DLGAP4: variants seen among roughly 807,000 people sequenced by gnomAD.
DLGAP4 encodes the protein disks large-associated protein 4.
DLGAP4 carries 18 observed loss-of-function variants against 86.9 expected under a neutral mutation model. The ratio of observed to expected loss-of-function variants is 0.21; its 90% confidence interval spans 0.14 to 0.31. The LOEUF is 0.31. DLGAP4 is among the 10% of genes least tolerant of loss of function. The pLI is 1.00. For missense variants in DLGAP4, 1,085 were observed against 1,362.6 expected, an observed-to-expected ratio of 0.80 and a Z score of 3.21; for synonymous variants, 548 against 574.3, an observed-to-expected ratio of 0.95 and a Z score of 0.65.
chr20:36,318,102 C>CCT (rs1555890204), intron 1 of DLGAP4, among the ~76,000 whole-genome samples: 39 of 117,228 alleles, frequency 3.3e-4, no homozygotes, highest in African/African-American at 7.7e-4. Context: ...ATAAATGTGT[C>CCT]CTCTCACACA....
intron 10 of DLGAP4, among the ~76,000 whole-genome samples, chr20:36,515,151 T>C (rs982262272): frequency 1.1e-4 from 16 of 152,238 alleles, no homozygotes; most frequent in Admixed American, 4.6e-4. Context: ...TGCATGTCTG[T>C]ATCACACCAC....
chr20:36,348,630 G>T (rs2030025220), intron 1 of DLGAP4, among the ~76,000 whole-genome samples: 1 of 152,004 alleles, frequency 6.6e-6, no homozygotes, highest in East Asian at 1.9e-4. Flanking sequence ...TGTTGGCTAG[G>T]CTTGTCTTGA....
At chr20:36,345,954 G>T (rs1213331054) in intron 1 of DLGAP4, among the ~76,000 whole-genome samples, 1 of 152,024 alleles carries the variant, frequency 6.6e-6, no homozygotes, top group Non-Finnish European at 1.5e-5. Context: ...ACAGGGTCTT[G>T]CTATGTTGCC....
intron 2 of DLGAP4, among the ~76,000 whole-genome samples, chr20:36,391,667 G>C (rs115405445): frequency 0.012 from 1,874 of 152,288 alleles, 51 homozygotes; most frequent in African/African-American, 0.043. Context: ...ACCCAGCTCT[G>C]AGCTCCAGTC....
Position 36,461,477 on chromosome 20 carries a change from C to T in DLGAP4, c.1648+14540C>T, listed in dbSNP as rs1306862163. 73 of 981,878 alleles carry T rather than the reference C, an allele frequency of 7.4e-5. No homozygotes were observed. In the African/African-American group the frequency reaches 1.2e-3, roughly 16 times the overall value. 60.8% of individuals were successfully genotyped at this position (981,878 alleles called of 1,614,324 possible). A position where few individuals can be genotyped will look rare whatever the true frequency, so the allele number is the denominator to read the frequency against. ...GCCCCGCCCCTCGGGCGTACAAAACCGGAGCCTCGGGCCGGGCTGCGTGAG... is the reference window on the plus strand; with the variant it reads ...GCCCCGCCCCTCGGGCGTACAAAACTGGAGCCTCGGGCCGGGCTGCGTGAG... On this transcript the variant is annotated intron_variant, in intron 7 of 12. Coordinates refer to ENST00000339266, the MANE Select transcript of DLGAP4 (RefSeq NM_001365621.2).
At chr20:36,516,603 T>C (rs945647261) in intron 10 of DLGAP4, among the ~76,000 whole-genome samples, 1 of 150,552 alleles carries the variant, frequency 6.6e-6, no homozygotes, top group East Asian at 2.0e-4. Context: ...GAGGCAGAGG[T>C]TGCAGTGAGC....
chr20:36,368,842 T>A (rs1432547936), intron 2 of DLGAP4, among the ~76,000 whole-genome samples: 1 of 152,222 alleles, frequency 6.6e-6, no homozygotes, highest in Non-Finnish European at 1.5e-5. Flanking sequence ...TTCAATTAAA[T>A]TCCCCCATAA....
rs73293668 is a variant in DLGAP4, at chr20:36,330,942, T to C, written c.-304+24430T>C. 7.1e-3 allele frequency among the ~76,000 whole-genome samples: 1,075 copies of C among 152,282 alleles called. 5 individuals carry two copies. The highest frequency in any genetic ancestry group is 0.024 in the African/African-American group (999 of 41,534). On this transcript the variant is annotated intron_variant, in intron 1 of 12. Transcript: ENST00000339266. ...GACCGTAAATGTTAGCTATTGTCAC[T>C]GTTGTTGTTGTTATTATTATTATTA...
chr20:36,325,967 C>T (rs782381397), intron 1 of DLGAP4, among the ~76,000 whole-genome samples: 1 of 152,144 alleles, frequency 6.6e-6, no homozygotes, highest in Admixed American at 6.5e-5. Flanking sequence ...ATCCTCCCAG[C>T]TCGGCCTCCC....
chr20:36,520,481 C>T lies in DLGAP4; in HGVS notation c.2513-3769C>T, dbSNP rs942050407. On this transcript the variant is annotated intron_variant, in intron 10 of 12. Transcript: ENST00000339266. Reference sequence around the variant, plus strand: ...CTGCCTCAGCACCCCCGAGTAGCTGCGATTAATAGGCATGCGTCACCAGCC... The same window carrying T: ...CTGCCTCAGCACCCCCGAGTAGCTGTGATTAATAGGCATGCGTCACCAGCC... Among the ~76,000 whole-genome samples the T allele has an allele frequency of 8.6e-5, 13 of 151,892 alleles. 1 individual carries two copies. Among genetic ancestry groups the T allele is most frequent in the Admixed American group, 5.3e-4 (8 of 15,238 alleles).
chr20:36,393,828 C>T lies in DLGAP4; in HGVS notation c.-73+26553C>T, dbSNP rs1156298662. Among the ~76,000 whole-genome samples, 1 of 152,114 alleles carries T rather than the reference C, an allele frequency of 6.6e-6. No homozygotes were observed. The highest frequency in any genetic ancestry group is 1.5e-5 in the Non-Finnish European group (1 of 68,004). Reference sequence around the variant, plus strand: ...GAGGGAGGTGACCTGCCCAAAGTCACACAGGGAGTGTGTGCGTTCCAACCC... The same window carrying T: ...GAGGGAGGTGACCTGCCCAAAGTCATACAGGGAGTGTGTGCGTTCCAACCC... On this transcript the variant is annotated intron_variant, in intron 2 of 12. Transcript: ENST00000339266. This position sits in a 1 kb window ranked among gnomAD's most constrained non-coding sequence, Gnocchi z 4.4.
intron 7 of DLGAP4, among the ~76,000 whole-genome samples, chr20:36,493,631 G>A (rs1309414373): frequency 1.3e-5 from 2 of 152,230 alleles, no homozygotes; most frequent in African/African-American, 4.8e-5. Flanking sequence ...GGGATGTGGT[G>A]ATGAGTGAAG....
At position 36,525,967 on chromosome 20, in the gene DLGAP4, C is replaced by T. The variant is rs2037731502; in HGVS notation, c.2721C>T (p.Ala907=). The change falls in exon 12 of 13, where the codon GCC becomes GCT. Residue 907 remains alanine (A), a synonymous_variant. Transcript: ENST00000339266. The stretch of plus-strand genomic sequence containing the variant: ...TCGATGAACTCTACCACCTCAAGGC[C>T]AACAGCTGGCAGCTGGTGGAGACCC... ...MKFDELYHLK[A]NSWQLVETPE... The T allele has an allele frequency of 2.5e-6, 4 of 1,613,862 alleles. No homozygotes were observed. Among genetic ancestry groups the T allele is most frequent in the Non-Finnish European group, 3.4e-6 (4 of 1,179,992 alleles).
At chr20:36,347,112 G>T (rs2029968431) in intron 1 of DLGAP4, among the ~76,000 whole-genome samples, 1 of 151,888 alleles carries the variant, frequency 6.6e-6, no homozygotes, top group African/African-American at 2.4e-5. Context: ...CTGTCTGGTT[G>T]GGGAGATGTG....
At chr20:36,313,550 G>T (rs1047205845) in intron 1 of DLGAP4, among the ~76,000 whole-genome samples, 22 of 133,880 alleles carry the variant, frequency 1.6e-4, no homozygotes, top group Non-Finnish European at 2.6e-4. Flanking sequence ...CTCTGGGGTG[G>T]GGGGGGGTCA....
intron 1 of DLGAP4, among the ~76,000 whole-genome samples, chr20:36,349,316 G>A (rs1321947720): frequency 6.6e-6 from 1 of 151,050 alleles, no homozygotes. Flanking sequence ...TACTCGGGAG[G>A]CTGAGCCAGG....
In DLGAP4 at chr20:36,499,652, G is replaced by A. The variant is rs1408291398; in HGVS notation, c.2075G>A (p.Gly692Glu). The A allele has an allele frequency of 6.2e-7, 1 of 1,613,758 alleles. No homozygotes were observed. Among genetic ancestry groups the A allele is most frequent in the Non-Finnish European group, 8.5e-7 (1 of 1,179,962 alleles). Reference sequence around the variant, plus strand: ...CCCGCTACCAAATTCCAGTCCATCGGGGTTCAGGTAGAGGACGACTGGCGG... The same window carrying A: ...CCCGCTACCAAATTCCAGTCCATCGAGGTTCAGGTAGAGGACGACTGGCGG... The part of the protein sequence containing the change: ...PSPATKFQSI[G>E]VQVEDDWRSS... Residue 692 changes from glycine (G) to glutamate (E), a missense_variant, in exon 9 of 13, where the codon GGG becomes GAG. By Grantham distance (98) the Gly-to-Glu change is moderately conservative. This residue lies in a region of DLGAP4 where 1,082 missense variants were observed against 1,344.1 expected (regional missense o/e 0.81). Coordinates refer to ENST00000339266, the MANE Select transcript of DLGAP4 (RefSeq NM_001365621.2).
intron 3 of DLGAP4, among the ~76,000 whole-genome samples, chr20:36,434,639 A>C (rs1465580992): frequency 2.0e-5 from 3 of 152,072 alleles, no homozygotes; most frequent in African/African-American, 7.2e-5. Flanking sequence ...GACAGTGGGG[A>C]TAGTGGGGCT....
chr20:36,488,201 A>G (rs2035502949), intron 7 of DLGAP4, among the ~76,000 whole-genome samples: 2 of 147,164 alleles, frequency 1.4e-5, no homozygotes, highest in Admixed American at 1.4e-4. Context: ...CTCTGTCTCA[A>G]AAAAAAAAAA....
Sources: gnomAD v4.1 joint callset for allele counts (sites outside exome capture counted in the v4.1 genomes callset) on GRCh38, gnomAD v4.1.1 for gene constraint, gnomAD v4.1.1 regional missense constraint, Gnocchi (gnomAD v3.1) non-coding constraint, MANE v1.5 for transcripts, NCBI Gene and HGNC (gene_info 2026-07-23, HGNC 2026-07-21) for gene names.